The following INPP5F variants were observed in gnomAD, a reference collection of about 807,000 sequenced individuals.
INPP5F encodes inositol polyphosphate-5-phosphatase F, also known as phosphatidylinositide 4-phosphatase SAC2.
Under a neutral mutation model 137.2 loss-of-function variants are expected in INPP5F, and 97 were observed. The observed-to-expected ratio is 0.71, with a 90% CI of 0.60 to 0.84. The LOEUF is 0.84. Ranked by LOEUF, INPP5F falls within the 40% of genes least tolerant of loss-of-function variation. The pLI is 0.00. For missense variants in INPP5F, 1,271 were observed against 1,371.9 expected, an observed-to-expected ratio of 0.93 and a Z score of 1.16; for synonymous variants, 504 against 476.9, an observed-to-expected ratio of 1.06 and a Z score of -0.74.
chr10:119,797,909 T>G (rs964892143), intron 8 of INPP5F, among the ~76,000 whole-genome samples: 1 of 152,214 alleles, frequency 6.6e-6, no homozygotes, highest in South Asian at 2.1e-4. Flanking sequence ...TGAAGAGTAC[T>G]TTATTGAATG....
At chr10:119,781,355 C>T (rs1185288030) in intron 2 of INPP5F, among the ~76,000 whole-genome samples, 1 of 152,202 alleles carries the variant, frequency 6.6e-6, no homozygotes, top group East Asian at 1.9e-4. Context: ...ACAGTCTCGC[C>T]AGCACATGTG....
intron 1 of INPP5F, among the ~76,000 whole-genome samples, chr10:119,746,500 T>A (rs1848537315): frequency 6.6e-6 from 1 of 152,184 alleles, no homozygotes; most frequent in African/African-American, 2.4e-5. Context: ...GGATTCTGGC[T>A]CACTATTTGG....
At chr10:119,795,682 C>G (rs940238061) in intron 6 of INPP5F, among the ~76,000 whole-genome samples, 1 of 151,964 alleles carries the variant, frequency 6.6e-6, no homozygotes, top group Non-Finnish European at 1.5e-5. Context: ...GGGTGGCGGC[C>G]GGGCAGAGGC....
In INPP5F at chr10:119,819,790, A is replaced by G. The variant is rs146845272; in HGVS notation, c.1887-1056A>G. 644 of 332,770 alleles carry G rather than the reference A, an allele frequency of 1.9e-3. 6 individuals carry two copies. Among genetic ancestry groups the G allele is most frequent in the East Asian group, 0.015 (312 of 20,572 alleles). The allele number at this position is 332,770 out of a possible 1,614,324, so 20.6% of individuals were successfully genotyped here. A position where few individuals can be genotyped will look rare whatever the true frequency, so the allele number is the denominator to read the frequency against. ...AGATTAAGACTGTTGGACTCAAGCT[A>G]CAACGAGGTGTCTCTGATGTAAAAA... On this transcript the variant is annotated intron_variant, in intron 15 of 19. Transcript: ENST00000650623.
intron 15 of INPP5F, among the ~76,000 whole-genome samples, chr10:119,817,180 T>G (rs998351042): frequency 5.9e-5 from 9 of 152,250 alleles, no homozygotes; most frequent in African/African-American, 1.9e-4. Context: ...ACTTCATTCC[T>G]TTTTGTAGCT....
At chr10:119,740,581 C>G (rs543292257) in intron 1 of INPP5F, among the ~76,000 whole-genome samples, 1 of 151,930 alleles carries the variant, frequency 6.6e-6, no homozygotes, top group Non-Finnish European at 1.5e-5. Flanking sequence ...TTCACTCTTT[C>G]GCCCAGGCTG....
intron 1 of INPP5F, among the ~76,000 whole-genome samples, chr10:119,729,744 ATTTTT>A (rs34359657): frequency 1.6e-5 from 2 of 128,228 alleles, no homozygotes; most frequent in African/African-American, 5.9e-5. Context: ...CACCTGGCTA[ATTTTT>A]TTTTTTTTTT....
In INPP5F at chr10:119,726,378, G is replaced by A; in HGVS notation, c.97+19G>A. Reference sequence around the variant, plus strand: ...CGACCCGGTGAGGCTGGCGGTGCGGGCGGGGGGCACCCCGGGCCAGGGCGG... The same window carrying A: ...CGACCCGGTGAGGCTGGCGGTGCGGACGGGGGGCACCCCGGGCCAGGGCGG... On this transcript the variant is annotated intron_variant, in intron 1 of 19. Transcript: ENST00000650623. 7.7e-7 allele frequency: 1 copy of A among 1,296,436 alleles called. No homozygotes were observed. 80.3% of individuals were successfully genotyped at this position (1,296,436 alleles called of 1,614,324 possible). A position where few individuals can be genotyped will look rare whatever the true frequency, so the allele number is the denominator to read the frequency against.
chr10:119,758,029 T>C (rs169041), intron 2 of INPP5F, among the ~76,000 whole-genome samples: 148,728 of 152,280 alleles, frequency 0.98, 72,696 homozygotes, highest in East Asian at 1. Context: ...CTGTGTCCCA[T>C]GGCCTGTACT....
chr10:119,759,776 G>A (rs1253226863), intron 2 of INPP5F, among the ~76,000 whole-genome samples: 1 of 152,186 alleles, frequency 6.6e-6, no homozygotes, highest in Non-Finnish European at 1.5e-5. Flanking sequence ...CAGCTAAGTG[G>A]TGTGAGAGGA....
In INPP5F at chr10:119,827,802, C is replaced by T; in HGVS notation, c.*22C>T. Reference sequence around the variant, plus strand: ...TTAGCTTTTAGCCATAAGAATCCTTCCATGGCTTTTATTTAAAAATATGAA... The same window carrying T: ...TTAGCTTTTAGCCATAAGAATCCTTTCATGGCTTTTATTTAAAAATATGAA... On this transcript the variant is annotated 3_prime_UTR_variant, in exon 20 of 20. Transcript: ENST00000650623. 1 of 1,490,286 alleles carries T rather than the reference C, an allele frequency of 6.7e-7. No homozygotes were observed. Among genetic ancestry groups the T allele is most frequent in the Non-Finnish European group, 9.1e-7 (1 of 1,093,116 alleles). 92.3% of individuals were successfully genotyped at this position (1,490,286 alleles called of 1,614,324 possible). A position where few individuals can be genotyped will look rare whatever the true frequency, so the allele number is the denominator to read the frequency against.
chr10:119,791,620 A>G lies in INPP5F; in HGVS notation c.419A>G (p.Asn140Ser). The G allele has an allele frequency of 6.2e-7, 1 of 1,604,390 alleles. No homozygotes were observed. The highest frequency in any genetic ancestry group is 8.5e-7 in the Non-Finnish European group (1 of 1,171,980). ...LLKTFTHIKS[N>S]VSAPNKKKVK... ...AAGACCTTTACGCATATTAAATCCA[A>G]TGTGTCTGCTCCTAATAAAAAGAAA... is the stretch of plus-strand genomic sequence containing the variant. The change falls in exon 4 of 20, where the codon AAT becomes AGT. Residue 140 changes from asparagine (N) to serine (S), a missense_variant. Physicochemically the swap from Asn to Ser is conservative, Grantham distance 46. Around this residue, in one of 6 missense-constraint regions of INPP5F, gnomAD observed 62 missense variants for 55.0 expected, o/e 1.13. Coordinates refer to ENST00000650623, the MANE Select transcript of INPP5F (RefSeq NM_014937.4).
intron 15 of INPP5F, among the ~76,000 whole-genome samples, chr10:119,813,467 A>T (rs995302624): frequency 2.0e-5 from 3 of 152,092 alleles, no homozygotes; most frequent in Non-Finnish European, 4.4e-5. Flanking sequence ...CTACAAAAAA[A>T]TTTTAAAATT....
chr10:119,763,480 A>G (rs1046914437), intron 2 of INPP5F, among the ~76,000 whole-genome samples: 2 of 152,202 alleles, frequency 1.3e-5, no homozygotes, highest in African/African-American at 2.4e-5. Flanking sequence ...AATAGTGCAC[A>G]TTCTCTGCCA....
At chr10:119,739,483 T>C (rs1848311069) in intron 1 of INPP5F, among the ~76,000 whole-genome samples, 1 of 152,198 alleles carries the variant, frequency 6.6e-6, no homozygotes, top group Non-Finnish European at 1.5e-5. Flanking sequence ...ATTTTTATTA[T>C]TTGATGCTTA....
chr10:119,766,965 C>CG (rs1849183721), intron 2 of INPP5F, among the ~76,000 whole-genome samples: 2 of 151,626 alleles, frequency 1.3e-5, no homozygotes, highest in South Asian at 4.2e-4. Flanking sequence ...ATTAGCCAGG[C>CG]GTGGTGATGG....
chr10:119,800,873 C>A (rs1305889415), intron 9 of INPP5F, among the ~76,000 whole-genome samples: 3 of 150,878 alleles, frequency 2.0e-5, no homozygotes, highest in Non-Finnish European at 2.9e-5. Context: ...TCACTTGAGC[C>A]CAGGAAGCGG....
rs753364988 is a variant in INPP5F at position 119,791,660 on chromosome 10, G to C, written c.444+15G>C. 8.2e-6 allele frequency: 13 copies of C among 1,583,134 alleles called. No individual in the cohort carries two copies. Among genetic ancestry groups the C allele is most frequent in the Non-Finnish European group, 8.6e-6 (10 of 1,158,538 alleles). ...ATAAAAAGAAAGTAAGAGTTTAATT[G>C]ATATAGGCTTTGAATTCACCTTTGA... is the stretch of plus-strand genomic sequence containing the variant. On this transcript the variant is annotated intron_variant, in intron 4 of 19. Coordinates refer to ENST00000650623, the MANE Select transcript of INPP5F (RefSeq NM_014937.4).
intron 1 of INPP5F, among the ~76,000 whole-genome samples, chr10:119,738,664 CA>C (rs1848285873): frequency 6.6e-6 from 1 of 151,968 alleles, no homozygotes; most frequent in Non-Finnish European, 1.5e-5. Context: ...CACACACACA[CA>C]CACACACACA....
Sources: allele counts gnomAD v4.1 joint callset (sites outside exome capture counted in the v4.1 genomes callset), GRCh38; gene constraint gnomAD v4.1.1; regional missense constraint gnomAD v4.1.1; transcripts MANE v1.5; gene names NCBI Gene and HGNC (gene_info 2026-07-23, HGNC 2026-07-21).